The following TBC1D13 variants were observed in gnomAD, a reference collection of about 807,000 sequenced individuals.
TBC1D13 encodes the protein TBC1 domain family member 13, also known as epididymis secretory sperm binding protein.
TBC1D13 carries 40 observed loss-of-function variants against 53.6 expected under a neutral mutation model. The observed-to-expected ratio is 0.75, with a 90% CI of 0.58 to 0.97. The LOEUF (loss-of-function observed/expected upper bound fraction) is 0.97. Ranked by LOEUF, TBC1D13 falls within the 50% of genes least tolerant of loss-of-function variation. The pLI is 0.00. For synonymous variants in TBC1D13, 182 were observed against 197.7 expected (o/e 0.92, Z 0.67); for missense variants, 377 against 499.4 (o/e 0.75, Z 2.34).
intron 11 of TBC1D13, 66 bp downstream of exon 11, chr9:128,806,377 C>T (rs1254910596): frequency 1.5e-5 from 24 of 1,583,568 alleles, no homozygotes; most frequent in East Asian, 4.5e-5. Context: ...CACCTGCCCA[C>T]GCCAGCTGCT....
intron 1 of TBC1D13, among the ~76,000 whole-genome samples, chr9:128,787,605 C>G (rs1238297516): frequency 1.3e-5 from 2 of 151,926 alleles, no homozygotes; most frequent in Non-Finnish European, 2.9e-5. Context: ...ATCCTGGACC[C>G]CTGGTGTCCC....
chr9:128,790,651 T>A (rs1488486498), intron 2 of TBC1D13, 84 bp from the exon 3 acceptor site: 8 of 1,318,920 alleles, frequency 6.1e-6, no homozygotes, highest in Non-Finnish European at 8.2e-6. Context: ...CCCACTCTAC[T>A]CCCCGCCAGT....
At position 128,806,291 on chromosome 9, in the gene TBC1D13, G is replaced by A. The variant is rs1829831836; in HGVS notation, c.1117G>A (p.Val373Met). 3 of 1,614,134 alleles carry A rather than the reference G, an allele frequency of 1.9e-6. No homozygotes were observed. Among genetic ancestry groups the A allele is most frequent in the Non-Finnish European group, 2.5e-6 (3 of 1,180,046 alleles). Residue 373 changes from valine to methionine, a missense_variant, in exon 11 of 12, where the codon GTG (valine) becomes ATG (methionine). Val to Met is a conservative substitution (Grantham distance 21). Coordinates refer to ENST00000372648, the MANE Select transcript of TBC1D13 (RefSeq NM_018201.5). The stretch of plus-strand genomic sequence containing the variant: ...GCAGTTGCTGGAAGGGGACTTCACT[G>A]TGAATATGCGGCTGCTGCAGGTAAT... ...REQLLEGDFT[V>M]NMRLLQDYPI...
intron 6 of TBC1D13, among the ~76,000 whole-genome samples, chr9:128,795,237 G>A (rs1380100238): frequency 7.6e-6 from 1 of 131,758 alleles, no homozygotes; most frequent in East Asian, 2.2e-4. Context: ...TTTTTTTTTT[G>A]AGGTGGAGTC....
In TBC1D13 at chr9:128,791,418, G is replaced by A. The variant is rs1162985545; in HGVS notation, c.177G>A (p.Trp59Ter). 1.2e-6 allele frequency: 2 copies of A among 1,614,034 alleles called. No individual in the cohort carries two copies. Among genetic ancestry groups the A allele is most frequent in the Admixed American group, 3.3e-5 (2 of 59,994 alleles). ...LNYLPLERAS[W>*]TSILAKQREL... The stretch of plus-strand genomic sequence containing the variant: ...ACCTTCCCTTGGAGAGAGCCTCATG[G>A]ACCTCCATCCTGGCCAAGCAGAGGT... The change falls in exon 4 of 12, where the codon TGG (tryptophan) becomes TGA (stop). Residue 59 changes from tryptophan (W) to a stop codon, truncating the protein, a stop_gained. Coordinates refer to ENST00000372648, the MANE Select transcript of TBC1D13 (RefSeq NM_018201.5). LOFTEE classifies it high-confidence loss of function.
Position 128,805,944 on chromosome 9 carries a change from TC to T in TBC1D13, c.1006del (p.Arg336AlafsTer26). 1 of 1,614,164 alleles carries T rather than the reference TC, an allele frequency of 6.2e-7. No homozygotes were observed. The highest frequency in any genetic ancestry group is 8.5e-7 in the Non-Finnish European group (1 of 1,180,040). ...LSQEFLLPDV[I>X]RIWDSLFADD... ...CAGGAGTTCTTGCTGCCTGACGTCA[TC>T]CGCATCTGGGACTCCCTCTTCGCCG... is the stretch of plus-strand genomic sequence containing the variant. On this transcript the variant is annotated frameshift_variant, in exon 10 of 12. Coordinates refer to ENST00000372648, the MANE Select transcript of TBC1D13 (RefSeq NM_018201.5). LOFTEE classifies it high-confidence loss of function.
intron 7 of TBC1D13, 38 bp from the exon 8 acceptor site, chr9:128,803,212 A>G (rs774088195): frequency 6.3e-7 from 1 of 1,591,682 alleles, no homozygotes; most frequent in Non-Finnish European, 8.6e-7. Context: ...TGACCCCAGC[A>G]TTGTCTTTCT....
chr9:128,807,710 G>C (rs940171646), intron 11 of TBC1D13, 104 bp from the exon 12 acceptor site: 3 of 1,217,688 alleles, frequency 2.5e-6, no homozygotes, highest in Non-Finnish European at 3.7e-6. Flanking sequence ...TCCTGCCCCT[G>C]AGGCCCAGGA....
Position 128,803,446 on chromosome 9 carries a change from A to G in TBC1D13, c.740A>G (p.Asn247Ser), listed in dbSNP as rs1396126087. The change falls in exon 8 of 12, where the codon AAT becomes AGT. Residue 247 changes from asparagine to serine, a missense_variant. Asn to Ser is a conservative substitution (Grantham distance 46, BLOSUM62 1). Transcript: ENST00000372648. ...PLYYTFATDP[N>S]SEWKEHAEAD... ...TACTACACCTTTGCCACCGACCCCAATAGTGAGTGGAAAGGTAAGAAGGCT... is the reference window on the plus strand; with the variant it reads ...TACTACACCTTTGCCACCGACCCCAGTAGTGAGTGGAAAGGTAAGAAGGCT... The G allele has an allele frequency of 7.4e-6, 12 of 1,613,960 alleles. No individual in the cohort carries two copies. The highest frequency in any genetic ancestry group is 3.3e-5 in the Admixed American group (2 of 59,996).
At chr9:128,806,095 C>T (rs558699933) in intron 10 of TBC1D13, 76 bp downstream of exon 10, 99 of 1,585,836 alleles carry the variant, frequency 6.2e-5, no homozygotes, top group Admixed American at 1.5e-4. Context: ...CCCTCCGCCC[C>T]GAAGGGTGGG....
Position 128,803,987 on chromosome 9 carries a change from C to T in TBC1D13, c.786C>T (p.Phe262=), listed in dbSNP as rs1829782482. The T allele has an allele frequency of 1.9e-6, 3 of 1,613,718 alleles. No homozygotes were observed. The highest frequency in any genetic ancestry group is 4.5e-5 in the East Asian group (2 of 44,882). The change falls in exon 9 of 12, where the codon TTC becomes TTT. Residue 262 remains phenylalanine (F), a synonymous_variant. Coordinates refer to ENST00000372648, the MANE Select transcript of TBC1D13 (RefSeq NM_018201.5). ...CCGAGGCAGACACCTTTTTCTGCTT[C>T]ACCAACCTCATGGCCGAGATCCGGG... The part of the protein sequence containing the change: ...EHAEADTFFC[F]TNLMAEIRDN...
intron 9 of TBC1D13, among the ~76,000 whole-genome samples, chr9:128,804,731 T>TTTG (rs1554795966): frequency 2.9e-5 from 3 of 103,202 alleles, no homozygotes; most frequent in Non-Finnish European, 3.8e-5. Flanking sequence ...TTTTTTTTTT[T>TTTG]TTTTTTTTTT....
chr9:128,808,456 T>TGTGTGTGTGTGTGTGTGTGTGTGTGTG lies in TBC1D13; in HGVS notation c.*577_*578insGTGTGTGTGTGTGTGTGTGTGTGTGTG, dbSNP rs66465933. On this transcript the variant is annotated 3_prime_UTR_variant, in exon 12 of 12. Transcript: ENST00000372648. ...GTGTGTGTGTGTGTGTGTGTGTGTGTTAGGGAGTGAGGGTCTCTCAGGCCT... is the reference window on the plus strand; with the variant it reads ...GTGTGTGTGTGTGTGTGTGTGTGTGTGTGTGTGTGTGTGTGTGTGTGTGTGTGTAGGGAGTGAGGGTCTCTCAGGCCT... 1.8e-4 allele frequency: 29 copies of TGTGTGTGTGTGTGTGTGTGTGTGTGTG among 164,126 alleles called. No homozygotes were observed. Among genetic ancestry groups the TGTGTGTGTGTGTGTGTGTGTGTGTGTG allele is most frequent in the South Asian group, 3.2e-4 (2 of 6,300 alleles). 10.2% of individuals were successfully genotyped at this position (164,126 alleles called of 1,614,324 possible).
chr9:128,794,201 G>A (rs1254139358), intron 6 of TBC1D13, among the ~76,000 whole-genome samples: 1 of 152,194 alleles, frequency 6.6e-6, no homozygotes, highest in Admixed American at 6.5e-5. Flanking sequence ...GGGGAAGAAG[G>A]CGCATGGCAG....
intron 6 of TBC1D13, 74 bp downstream of exon 6, chr9:128,792,648 T>C (rs1829555928): frequency 7.1e-7 from 1 of 1,407,100 alleles, no homozygotes; most frequent in Non-Finnish European, 9.9e-7. Flanking sequence ...TCTTTTCCAT[T>C]TGCAGGCCGG....
At position 128,792,503 on chromosome 9, in the gene TBC1D13, C is replaced by T; in HGVS notation, c.312C>T (p.Pro104=). The change falls in exon 6 of 12, where the codon CCC becomes CCT. Residue 104 remains proline (P), a synonymous_variant. Transcript: ENST00000372648. ...ATTTCTCCCCACAGCCACTCAACCC[C>T]AACCCTGACAGCCGGTGGAACACGT... ...DVTFEDHPLN[P]NPDSRWNTYF... The T allele has an allele frequency of 1.2e-6, 2 of 1,614,132 alleles. No individual in the cohort carries two copies. The highest frequency in any genetic ancestry group is 2.2e-5 in the East Asian group (1 of 44,880).
intron 11 of TBC1D13, 141 bp downstream of exon 11, chr9:128,806,452 T>A: frequency 1.0e-6 from 1 of 977,044 alleles, no homozygotes; most frequent in Non-Finnish European, 1.6e-6. Context: ...TGAGCAGATC[T>A]GGTTTGGATC....
intron 1 of TBC1D13, among the ~76,000 whole-genome samples, chr9:128,787,605 C>T (rs1238297516): frequency 6.6e-6 from 1 of 151,926 alleles, no homozygotes; most frequent in East Asian, 1.9e-4. Flanking sequence ...ATCCTGGACC[C>T]CTGGTGTCCC....
At chr9:128,801,369 A>G (rs1231413773) in intron 7 of TBC1D13, among the ~76,000 whole-genome samples, 1 of 151,616 alleles carries the variant, frequency 6.6e-6, no homozygotes, top group Non-Finnish European at 1.5e-5. Flanking sequence ...CATCCCCTCA[A>G]CAGCTGACTT....
Sources: gnomAD v4.1 joint callset for allele counts (sites outside exome capture counted in the v4.1 genomes callset) on GRCh38, gnomAD v4.1.1 for gene constraint, MANE v1.5 for transcripts, NCBI Gene and HGNC (gene_info 2026-07-23, HGNC 2026-07-21) for gene names.